Variants in ADAMTSL1 observed in about 807,000 individuals in gnomAD.
ADAMTSL1 encodes ADAMTS like 1, also known as ADAMTS-like protein 1.
A neutral mutation model predicts 201.8 loss-of-function variants in ADAMTSL1; 126 were observed. The observed-to-expected ratio is 0.62, with a 90% CI of 0.54 to 0.72. The LOEUF (loss-of-function observed/expected upper bound fraction) is 0.72. Among genes scored for constraint, ADAMTSL1 ranks in the 30% least tolerant of loss-of-function variants. The probability of loss-of-function intolerance (pLI) is 0.00; values close to 1 mark genes in which losing one functional copy is unlikely to be tolerated. For missense variants in ADAMTSL1, 2,679 were observed against 2,277.8 expected, an observed-to-expected ratio of 1.18 and a Z score of -3.59; for synonymous variants, 1,121 against 903.4, an observed-to-expected ratio of 1.24 and a Z score of -4.32.
chr9:18,056,360 C>G (rs1439188605), intron 1 of ADAMTSL1, among the ~76,000 whole-genome samples: 3 of 152,108 alleles, frequency 2.0e-5, no homozygotes, highest in Non-Finnish European at 2.9e-5. Flanking sequence ...TATGTAATGG[C>G]TTAGACAAGA....
intron 2 of ADAMTSL1, among the ~76,000 whole-genome samples, chr9:18,214,728 T>C (rs1274136605): frequency 1.3e-5 from 2 of 152,186 alleles, no homozygotes; most frequent in South Asian, 2.1e-4. Flanking sequence ...AGTATCAAAG[T>C]AGAGTTACTT....
Position 18,574,214 on chromosome 9 carries a change from G to T in ADAMTSL1, c.422G>T (p.Gly141Val), listed in dbSNP as rs1016543730. The T allele has an allele frequency of 6.2e-7, 1 of 1,614,034 alleles. No homozygotes were observed. The highest frequency in any genetic ancestry group is 8.5e-7 in the Non-Finnish European group (1 of 1,180,022). The change falls in exon 4 of 29, where the codon GGT becomes GTT. Residue 141 changes from glycine to valine, a missense_variant. Physicochemically the swap from Gly to Val is moderately radical, Grantham distance 109. Transcript: ENST00000380548. ...VVELAPKVLD[G>V]TRCYTESLDM... ...GAACTAGCACCTAAGGTCTTAGATG[G>T]TACGCGTTGCTATACAGAATCTTTG...
intron 2 of ADAMTSL1, among the ~76,000 whole-genome samples, chr9:18,327,477 A>G (rs1834872114): frequency 6.6e-6 from 1 of 152,226 alleles, no homozygotes; most frequent in African/African-American, 2.4e-5. Flanking sequence ...TTGAAAGTCA[A>G]TCAGCCCACG....
chr9:18,074,491 CT>C (rs1182566100), intron 1 of ADAMTSL1, among the ~76,000 whole-genome samples: 1 of 87,852 alleles, frequency 1.1e-5, no homozygotes, highest in African/African-American at 4.8e-5. Flanking sequence ...CTTTTCTTTT[CT>C]TTTCTTTTCT....
chr9:18,394,333 A>C (rs1019718482), intron 2 of ADAMTSL1, among the ~76,000 whole-genome samples: 1 of 152,240 alleles, frequency 6.6e-6, no homozygotes, highest in South Asian at 2.1e-4. Context: ...TTCCAATAAC[A>C]GAATCTGTCC....
intron 1 of ADAMTSL1, among the ~76,000 whole-genome samples, chr9:17,953,444 T>C (rs1005745052): frequency 5.9e-5 from 9 of 152,186 alleles, no homozygotes; most frequent in Non-Finnish European, 1.3e-4. Context: ...CAAAGTGCTT[T>C]TGACCCAGAA....
intron 1 of ADAMTSL1, among the ~76,000 whole-genome samples, chr9:18,039,930 T>A (rs750565100): frequency 6.6e-6 from 1 of 152,200 alleles, no homozygotes; most frequent in Non-Finnish European, 1.5e-5. Context: ...AATTGGCAGT[T>A]TTCCTCTTTA....
intron 1 of ADAMTSL1, among the ~76,000 whole-genome samples, chr9:18,094,871 A>G (rs1336360193): frequency 6.7e-6 from 1 of 149,156 alleles, no homozygotes; most frequent in Non-Finnish European, 1.5e-5. Flanking sequence ...TGGCCCTCTG[A>G]TTTTCTTAAA....
intron 1 of ADAMTSL1, among the ~76,000 whole-genome samples, chr9:18,075,462 A>G (rs921762566): frequency 7.0e-6 from 1 of 142,956 alleles, no homozygotes; most frequent in Non-Finnish European, 1.5e-5. Context: ...GAAGCTGTGT[A>G]GTTTGCGGAC....
chr9:18,582,116 T>C (rs1823136622), intron 4 of ADAMTSL1, among the ~76,000 whole-genome samples: 1 of 152,224 alleles, frequency 6.6e-6, no homozygotes, highest in East Asian at 1.9e-4. Flanking sequence ...TCTGCTAAGA[T>C]GTTTGAGGGA....
intron 2 of ADAMTSL1, among the ~76,000 whole-genome samples, chr9:18,346,250 A>G (rs529319421): frequency 1.3e-5 from 2 of 152,154 alleles, no homozygotes; most frequent in African/African-American, 4.8e-5. Flanking sequence ...ACTTTTGCCT[A>G]TTAATGTTCC....
intron 6 of ADAMTSL1, among the ~76,000 whole-genome samples, chr9:18,638,936 AT>A (rs1587765102): frequency 1.3e-5 from 2 of 152,092 alleles, no homozygotes; most frequent in East Asian, 3.9e-4. Context: ...ACATATGAGA[AT>A]TGGTTTAGTC....
At chr9:18,184,385 G>C (rs1325416755) in intron 2 of ADAMTSL1, among the ~76,000 whole-genome samples, 4 of 152,062 alleles carry the variant, frequency 2.6e-5, no homozygotes, top group East Asian at 1.9e-4. Flanking sequence ...AGTTTATCTA[G>C]GATTATTCAA....
chr9:18,564,348 C>T (rs1821742859), intron 3 of ADAMTSL1, among the ~76,000 whole-genome samples: 1 of 152,172 alleles, frequency 6.6e-6, no homozygotes, highest in Admixed American at 6.5e-5. Flanking sequence ...CAGCTACTGT[C>T]TAACCAGTCC....
At chr9:18,843,759 T>G (rs1323816633) in intron 23 of ADAMTSL1, among the ~76,000 whole-genome samples, 1 of 150,956 alleles carries the variant, frequency 6.6e-6, no homozygotes, top group African/African-American at 2.5e-5. Flanking sequence ...TCTCTAAACT[T>G]CCCTTCTCAC....
intron 1 of ADAMTSL1, among the ~76,000 whole-genome samples, chr9:18,111,574 T>C (rs542572408): frequency 6.6e-6 from 1 of 152,292 alleles, no homozygotes; most frequent in Admixed American, 6.5e-5. Context: ...TGTCAATAAA[T>C]ATTTACCTCT....
intron 2 of ADAMTSL1, among the ~76,000 whole-genome samples, chr9:18,165,965 T>C (rs950782109): frequency 6.6e-6 from 1 of 151,874 alleles, no homozygotes; most frequent in Admixed American, 6.6e-5. Flanking sequence ...TATTTATGAG[T>C]TTCTGTCTTA....
At chr9:18,239,649 G>A (rs1304258048) in intron 2 of ADAMTSL1, among the ~76,000 whole-genome samples, 1 of 152,122 alleles carries the variant, frequency 6.6e-6, no homozygotes, top group African/African-American at 2.4e-5. Flanking sequence ...TCGGGAGGCT[G>A]AGGCATGACA....
chr9:18,575,427 A>C (rs1891042), intron 4 of ADAMTSL1, among the ~76,000 whole-genome samples: 14,476 of 152,092 alleles, frequency 0.095, 1,969 homozygotes, highest in African/African-American at 0.31. Context: ...TTGAATGTGG[A>C]ATTTTACTAT....
Sources: gnomAD v4.1 joint callset for allele counts (sites outside exome capture counted in the v4.1 genomes callset) on GRCh38, gnomAD v4.1.1 for gene constraint, MANE v1.5 for transcripts, NCBI Gene and HGNC (gene_info 2026-07-23, HGNC 2026-07-21) for gene names.